The following CPB1 variants were observed in gnomAD, a reference collection of about 807,000 sequenced individuals.
The protein encoded by CPB1 is carboxypeptidase B1.
In CPB1, 53 loss-of-function variants were observed where a neutral mutation model predicts 51.4. The ratio of observed to expected loss-of-function variants is 1.03; its 90% CI spans 0.83 to 1.30. The LOEUF (loss-of-function observed/expected upper bound fraction) is 1.30. CPB1 is among the 50% of genes most tolerant of loss of function. CPB1 has a pLI of 0.00. For missense variants in CPB1, 494 were observed against 516.2 expected (o/e 0.96, Z 0.42); for synonymous variants, 189 against 186.9 (o/e 1.01, Z -0.09).
Position 148,840,872 on chromosome 3 carries a change from A to G in CPB1, c.373-2A>G, listed in dbSNP as rs201950041. 1.3e-4 allele frequency: 203 copies of G among 1,613,990 alleles called. No homozygotes were observed. Among genetic ancestry groups the G allele is most frequent in the Non-Finnish European group, 1.6e-4 (188 of 1,179,930 alleles). ...TGATCTACAAATGATTCCATTTGGTAGATAGAGGCTTGGACTCAACAAGTC... is the reference window on the plus strand; with the variant it reads ...TGATCTACAAATGATTCCATTTGGTGGATAGAGGCTTGGACTCAACAAGTC... On this transcript the variant is annotated splice_acceptor_variant, in intron 4 of 10. Coordinates refer to ENST00000282957, the MANE Select transcript of CPB1 (RefSeq NM_001871.3). LOFTEE classifies it high-confidence loss of function.
intron 9 of CPB1, among the ~76,000 whole-genome samples, chr3:148,852,108 G>C (rs1438832655): frequency 6.6e-6 from 1 of 152,192 alleles, no homozygotes; most frequent in Non-Finnish European, 1.5e-5. Flanking sequence ...TTTAGCAACA[G>C]TGACCTAGCA....
chr3:148,846,993 G>A (rs905966632), intron 9 of CPB1, among the ~76,000 whole-genome samples: 3 of 149,272 alleles, frequency 2.0e-5, no homozygotes, highest in Non-Finnish European at 4.5e-5. Flanking sequence ...GGAGGTGGGG[G>A]TATGTAGTTT....
At chr3:148,847,694 C>T (rs1457543055) in intron 9 of CPB1, among the ~76,000 whole-genome samples, 1 of 151,858 alleles carries the variant, frequency 6.6e-6, no homozygotes, top group African/African-American at 2.4e-5. Flanking sequence ...AGAATTCTAC[C>T]GAAGTAAAAT....
In CPB1 at chr3:148,860,031, A is replaced by C; in HGVS notation, c.*29A>C. 6.3e-7 allele frequency: 1 copy of C among 1,577,086 alleles called. No homozygotes were observed. Among genetic ancestry groups the C allele is most frequent in the South Asian group, 1.1e-5 (1 of 87,076 alleles). Reference sequence around the variant, plus strand: ...AGAAAGCTGATGGCCTTGTTTCAAAATTCTCATTTTTCATTTCTTTTCTTT... The same window carrying C: ...AGAAAGCTGATGGCCTTGTTTCAAACTTCTCATTTTTCATTTCTTTTCTTT... On this transcript the variant is annotated 3_prime_UTR_variant, in exon 11 of 11. Transcript: ENST00000282957.
chr3:148,847,174 A>C (rs1024174586), intron 9 of CPB1, among the ~76,000 whole-genome samples: 1 of 151,658 alleles, frequency 6.6e-6, no homozygotes, highest in African/African-American at 2.4e-5. Flanking sequence ...TTTAGACATA[A>C]CTACTAAAAG....
At chr3:148,841,964 G>A (rs374054782) in intron 6 of CPB1, 40 bp downstream of exon 6, 15 of 1,382,126 alleles carry the variant, frequency 1.1e-5, no homozygotes, top group Admixed American at 5.3e-5. Context: ...AGAAATGTAT[G>A]TTTTAATTTT....
chr3:148,834,712 C>T, intron 3 of CPB1, 90 bp downstream of exon 3: 1 of 1,309,800 alleles, frequency 7.6e-7, no homozygotes, highest in Non-Finnish European at 1.1e-6. Flanking sequence ...AGAAATGAGA[C>T]CAAGACCAAT....
At position 148,827,895 on chromosome 3, in the gene CPB1, G is replaced by T. The variant is rs200663104; in HGVS notation, c.71+1G>T. On this transcript the variant is annotated splice_donor_variant, in intron 1 of 10. Coordinates refer to ENST00000282957, the MANE Select transcript of CPB1 (RefSeq NM_001871.3). LOFTEE classifies it high-confidence loss of function. ...ATCATGGTGGTGAGCACTTTGAAGG[G>T]TAAGTAAGCCATCTTTAAGGAGCAA... is the stretch of plus-strand genomic sequence containing the variant. 1.9e-6 allele frequency: 3 copies of T among 1,614,104 alleles called. No individual in the cohort carries two copies. The highest frequency in any genetic ancestry group is 3.3e-5 in the Admixed American group (2 of 60,010).
At chr3:148,846,797 G>GTGTGTGTGTGTGTATATATATATA (rs1364486523) in intron 9 of CPB1, among the ~76,000 whole-genome samples, 2 of 50,534 alleles carry the variant, frequency 4.0e-5, no homozygotes, top group Non-Finnish European at 8.5e-5. Context: ...GTGTGCGTGT[G>GTGTGTGTGTGTGTATATATATATA]TATATATATA....
At chr3:148,845,686 T>A in intron 9 of CPB1, 60 bp downstream of exon 9, 1 of 1,348,130 alleles carries the variant, frequency 7.4e-7, no homozygotes, top group South Asian at 1.3e-5. Context: ...ATTCTAATCC[T>A]GAAAAAAAAA....
chr3:148,832,885 G>C (rs1394780105), intron 2 of CPB1, among the ~76,000 whole-genome samples: 2 of 152,138 alleles, frequency 1.3e-5, no homozygotes, highest in Admixed American at 6.5e-5. Flanking sequence ...TGTCTGGTCA[G>C]CTACAGATAC....
chr3:148,840,869 G>A lies in CPB1; in HGVS notation c.373-5G>A. 6.2e-7 allele frequency: 1 copy of A among 1,613,592 alleles called. No homozygotes were observed. Among genetic ancestry groups the A allele is most frequent in the Non-Finnish European group, 8.5e-7 (1 of 1,179,502 alleles). ...CATTGATCTACAAATGATTCCATTTGGTAGATAGAGGCTTGGACTCAACAA... is the reference window on the plus strand; with the variant it reads ...CATTGATCTACAAATGATTCCATTTAGTAGATAGAGGCTTGGACTCAACAA... On this transcript the variant is annotated splice_polypyrimidine_tract_variant and splice_region_variant and intron_variant, in intron 4 of 10. Coordinates refer to ENST00000282957, the MANE Select transcript of CPB1 (RefSeq NM_001871.3).
intron 3 of CPB1, among the ~76,000 whole-genome samples, chr3:148,838,806 T>C (rs1165157594): frequency 2.0e-5 from 3 of 152,188 alleles, no homozygotes; most frequent in Non-Finnish European, 4.4e-5. Context: ...TTAGATGACT[T>C]TTCTAAAGCC....
At chr3:148,844,826 T>G in intron 8 of CPB1, 59 bp downstream of exon 8, 2 of 1,452,708 alleles carry the variant, frequency 1.4e-6, no homozygotes, top group Non-Finnish European at 1.9e-6. Context: ...AGGAAAAATA[T>G]GAAAACACAA....
intron 9 of CPB1, among the ~76,000 whole-genome samples, chr3:148,848,504 T>C (rs1482831518): frequency 6.6e-6 from 1 of 152,106 alleles, no homozygotes; most frequent in African/African-American, 2.4e-5. Flanking sequence ...TTTATACCTA[T>C]AAAATTATTA....
intron 6 of CPB1, among the ~76,000 whole-genome samples, chr3:148,843,285 T>C (rs1713142557): frequency 6.6e-6 from 1 of 152,184 alleles, no homozygotes. Flanking sequence ...ATGACGGGTA[T>C]GTGGGAACTA....
In CPB1 at chr3:148,844,440, A is replaced by T. The variant is rs756420574; in HGVS notation, c.577-38A>T. The T allele has an allele frequency of 5.3e-6, 8 of 1,503,498 alleles. No individual in the cohort carries two copies. In the East Asian group the frequency reaches 1.8e-4, roughly 34 times the overall value. The allele number at this position is 1,503,498 out of a possible 1,614,324, so 93.1% of individuals were successfully genotyped here. A position where few individuals can be genotyped will look rare whatever the true frequency, so the allele number is the denominator to read the frequency against. On this transcript the variant is annotated intron_variant, in intron 6 of 10. Transcript: ENST00000282957. ...TAAATTTTAACAGCATCATAATTCC[A>T]TTTTTCCATGAAATTCCTCTTCATA...
At chr3:148,857,889 A>C (rs922692199) in intron 10 of CPB1, among the ~76,000 whole-genome samples, 4 of 152,078 alleles carry the variant, frequency 2.6e-5, no homozygotes, top group Admixed American at 6.6e-5. Flanking sequence ...ACAGAGCAGG[A>C]CCCTATCTCA....
At chr3:148,859,703 A>C in intron 10 of CPB1, 112 bp from the exon 11 acceptor site, 1 of 1,052,440 alleles carries the variant, frequency 9.5e-7, no homozygotes. Context: ...AAATTGGCCT[A>C]CTCAAAATAT....
Sources: gnomAD v4.1 joint callset for allele counts (sites outside exome capture counted in the v4.1 genomes callset) on GRCh38, gnomAD v4.1.1 for gene constraint, MANE v1.5 for transcripts, NCBI Gene and HGNC (gene_info 2026-07-23, HGNC 2026-07-21) for gene names.